The following TAFA2 variants were observed in gnomAD, a reference collection of about 807,000 sequenced individuals.
The protein encoded by TAFA2 is chemokine-like protein TAFA-2.
Under a neutral mutation model 18.8 loss-of-function variants are expected in TAFA2, and 7 were observed. That is an observed-to-expected ratio of 0.37 (90% confidence interval 0.21 to 0.70). The LOEUF is 0.70. Ranked by LOEUF, TAFA2 falls within the 30% of genes least tolerant of loss-of-function variation. The pLI is 0.53. For missense variants in TAFA2, 122 were observed against 158.1 expected, an observed-to-expected ratio of 0.77 and a Z score of 1.23; for synonymous variants, 60 against 54.2, an observed-to-expected ratio of 1.11 and a Z score of -0.47.
intron 4 of TAFA2, among the ~76,000 whole-genome samples, chr12:61,732,209 G>A (rs1870482267): frequency 6.6e-6 from 1 of 151,852 alleles, no homozygotes; most frequent in Admixed American, 6.6e-5. Context: ...ATTTTAGGCA[G>A]AGGTAACAGC....
intron 1 of TAFA2, among the ~76,000 whole-genome samples, chr12:62,013,931 C>A (rs1240090818): frequency 1.3e-5 from 2 of 152,142 alleles, no homozygotes; most frequent in African/African-American, 4.8e-5. Context: ...TAGGCCTCAT[C>A]AATATATGCA....
At chr12:61,712,353 C>T (rs567529946) in intron 4 of TAFA2, among the ~76,000 whole-genome samples, 1 of 152,204 alleles carries the variant, frequency 6.6e-6, no homozygotes, top group Non-Finnish European at 1.5e-5. Flanking sequence ...AAATGATCCT[C>T]TCAGCTATTT....
At chr12:62,138,519 A>G (rs1025646518) in intron 1 of TAFA2, among the ~76,000 whole-genome samples, 1 of 152,222 alleles carries the variant, frequency 6.6e-6, no homozygotes, top group African/African-American at 2.4e-5. Context: ...CCAGGCACAC[A>G]GTATGTGCAC....
intron 1 of TAFA2, among the ~76,000 whole-genome samples, chr12:62,013,519 C>T (rs1880834658): frequency 6.6e-6 from 1 of 152,112 alleles, no homozygotes; most frequent in African/African-American, 2.4e-5. Flanking sequence ...AAATACTGCA[C>T]CCAGATATTA....
intron 4 of TAFA2, among the ~76,000 whole-genome samples, chr12:61,711,244 G>A (rs1209798371): frequency 6.6e-6 from 1 of 151,530 alleles, no homozygotes; most frequent in Non-Finnish European, 1.5e-5. Context: ...ACAGGGAGAG[G>A]GAGAAGAAGA....
At chr12:61,831,621 G>A (rs931969559) in intron 2 of TAFA2, among the ~76,000 whole-genome samples, 2 of 152,054 alleles carry the variant, frequency 1.3e-5, no homozygotes, top group African/African-American at 4.8e-5. Flanking sequence ...TGGAAGACTG[G>A]CTTTCCCCCA....
intron 4 of TAFA2, among the ~76,000 whole-genome samples, chr12:61,712,084 G>C (rs1869438254): frequency 6.6e-6 from 1 of 151,950 alleles, no homozygotes; most frequent in African/African-American, 2.4e-5. Context: ...AGGAAATTGA[G>C]AGAGAAAGAG....
intron 2 of TAFA2, among the ~76,000 whole-genome samples, chr12:61,786,781 G>A (rs948515316): frequency 6.6e-6 from 1 of 151,454 alleles, no homozygotes; most frequent in Admixed American, 6.6e-5. Flanking sequence ...ATACGTGAAA[G>A]AGTATAATAT....
intron 1 of TAFA2, chr12:61,880,170 A>G: frequency 1.8e-6 from 1 of 550,088 alleles, no homozygotes; most frequent in Non-Finnish European, 3.4e-6. Flanking sequence ...AGCATGTACC[A>G]GATCAAGTAT....
At chr12:62,177,510 C>G (rs1320091876) in intron 1 of TAFA2, among the ~76,000 whole-genome samples, 1 of 152,202 alleles carries the variant, frequency 6.6e-6, no homozygotes. Flanking sequence ...GAGATCTCAA[C>G]CATTCAGAGG....
chr12:61,935,346 GA>G (rs5798621), intron 1 of TAFA2, among the ~76,000 whole-genome samples: 10,796 of 152,020 alleles, frequency 0.071, 1,243 homozygotes, highest in African/African-American at 0.24. Context: ...TATATCTTTG[GA>G]AAATTTTACT....
chr12:61,719,753 T>C (rs1482711555), intron 4 of TAFA2, among the ~76,000 whole-genome samples: 1 of 152,152 alleles, frequency 6.6e-6, no homozygotes, highest in Non-Finnish European at 1.5e-5. Context: ...CACACCTGTC[T>C]GAATGAAGAA....
chr12:62,081,730 C>A (rs1014823156), intron 1 of TAFA2, among the ~76,000 whole-genome samples: 97 of 152,212 alleles, frequency 6.4e-4, no homozygotes, highest in African/African-American at 2.2e-3. Flanking sequence ...AATGATCCGC[C>A]CGCCTCAGCC....
chr12:61,852,981 A>G lies in TAFA2; in HGVS notation c.106+14339T>C, dbSNP rs1873737017. ...AATAAGTACTGCAGATCTAACATAC[A>G]GGATAGCAACTATAGTTAGCAATGT... On this transcript the variant is annotated intron_variant, in intron 2 of 4. Coordinates refer to ENST00000416284, the MANE Select transcript of TAFA2 (RefSeq NM_178539.5). Among the ~76,000 whole-genome samples the G allele has an allele frequency of 2.0e-5, 3 of 152,206 alleles. 1 individual carries two copies. Among genetic ancestry groups the G allele is most frequent in the Admixed American group, 2.0e-4 (3 of 15,280 alleles).
intron 1 of TAFA2, among the ~76,000 whole-genome samples, chr12:61,996,832 T>A (rs1327054981): frequency 6.6e-6 from 1 of 152,152 alleles, no homozygotes; most frequent in Admixed American, 6.6e-5. Flanking sequence ...TTTCTCTATT[T>A]TTATAACCTT....
chr12:62,171,708 G>T (rs76276470), intron 1 of TAFA2, among the ~76,000 whole-genome samples: 7,552 of 152,194 alleles, frequency 0.05, 272 homozygotes, highest in Non-Finnish European at 0.075. Context: ...AGCGTCCATA[G>T]CTTTGAGAAA....
At chr12:61,865,447 G>A (rs1223297023) in intron 2 of TAFA2, among the ~76,000 whole-genome samples, 1 of 152,148 alleles carries the variant, frequency 6.6e-6, no homozygotes, top group Non-Finnish European at 1.5e-5. Flanking sequence ...AGATGGAGGA[G>A]GGGAGAAAAC....
intron 1 of TAFA2, among the ~76,000 whole-genome samples, chr12:61,902,182 A>G (rs775619078): frequency 2.0e-5 from 3 of 151,742 alleles, no homozygotes; most frequent in Non-Finnish European, 4.4e-5. Flanking sequence ...GAGGCTGTCT[A>G]CAAAATGATG....
At chr12:62,245,516 T>C (rs1445518296) in intron 1 of TAFA2, among the ~76,000 whole-genome samples, 1 of 151,252 alleles carries the variant, frequency 6.6e-6, no homozygotes, top group East Asian at 1.9e-4. Flanking sequence ...AATTATGCTC[T>C]ATTTTTATAT....
Sources: gnomAD v4.1 joint callset for allele counts (sites outside exome capture counted in the v4.1 genomes callset) on GRCh38, gnomAD v4.1.1 for gene constraint, MANE v1.5 for transcripts, NCBI Gene and HGNC (gene_info 2026-07-23, HGNC 2026-07-21) for gene names.